The following SPDYE14 variants were observed in gnomAD, a reference collection of about 807,000 sequenced individuals.
SPDYE14 encodes the protein speedy protein E14.
chr7:75,258,107 A>G, the SPDYE14 span, among the ~76,000 whole-genome samples: 4 of 52,428 alleles, frequency 7.6e-5, 2 homozygotes, highest in African/African-American at 9.5e-5. Flanking sequence ...GATTACAGGT[A>G]TGAGCCATTA....
the SPDYE14 span, among the ~76,000 whole-genome samples, chr7:75,276,459 C>G: frequency 1.2e-4 from 6 of 49,936 alleles, 3 homozygotes; most frequent in Non-Finnish European, 3.0e-4. Flanking sequence ...ATGCCCTGTA[C>G]TCTCAGCTAC....
the SPDYE14 span, among the ~76,000 whole-genome samples, chr7:75,271,213 T>TAA: frequency 0.029 from 235 of 7,980 alleles, 11 homozygotes; most frequent in African/African-American, 0.055. Context: ...ACTCCACCTC[T>TAA]AAAAAAAAAA....
chr7:75,276,070 G>A, the SPDYE14 span, among the ~76,000 whole-genome samples: 5 of 6,220 alleles, frequency 8.0e-4, no homozygotes, highest in African/African-American at 1.6e-3. Flanking sequence ...AGACCAGCCT[G>A]GCCAACATGG....
the SPDYE14 span, chr7:75,237,655 GCGGCGCGCGGCGCC>G: frequency 2.4e-5 from 2 of 84,126 alleles, no homozygotes; most frequent in African/African-American, 6.6e-5. Context: ...CGGCGGAGCA[GCGGCGCGCGGCGCC>G]CGGCGCGGGG....
At chr7:75,268,845 CAGAGAGAGAGAGAGAGAG>C in the SPDYE14 span, among the ~76,000 whole-genome samples, 2 of 9,596 alleles carry the variant, frequency 2.1e-4, no homozygotes, top group Non-Finnish European at 4.8e-4. Flanking sequence ...GCACTCCAGC[CAGAGAGAGAGAGAGAGAG>C]AGAGAGAGAG....
chr7:75,245,313 A>C, the SPDYE14 span, among the ~76,000 whole-genome samples: 1 of 68,012 alleles, frequency 1.5e-5, no homozygotes, highest in Non-Finnish European at 2.8e-5. Flanking sequence ...CCCAGCTACT[A>C]GGGAGGCTGA....
the SPDYE14 span, among the ~76,000 whole-genome samples, chr7:75,265,037 T>TC: frequency 3.1e-5 from 2 of 64,290 alleles, no homozygotes; most frequent in Non-Finnish European, 3.4e-5. Context: ...TTTTTTTTTT[T>TC]AATTGTCTTC....
chr7:75,257,167 C>CA, the SPDYE14 span, among the ~76,000 whole-genome samples: 244 of 21,210 alleles, frequency 0.012, 5 homozygotes, highest in African/African-American at 0.026. Flanking sequence ...GATTCTGTCT[C>CA]AAAAAAAAAA....
At chr7:75,257,268 G>A in the SPDYE14 span, among the ~76,000 whole-genome samples, 1 of 111,304 alleles carries the variant, frequency 9.0e-6, no homozygotes, top group East Asian at 2.3e-4. Context: ...AGTATCTGTT[G>A]AATGAATGAA....
chr7:75,276,713 G>A, the SPDYE14 span, among the ~76,000 whole-genome samples: 1 of 132,646 alleles, frequency 7.5e-6, no homozygotes, highest in Admixed American at 8.6e-5. Flanking sequence ...CCTGGGCAAC[G>A]TAGCAAGATC....
chr7:75,247,520 GAA>G, the SPDYE14 span, among the ~76,000 whole-genome samples: 7 of 114,674 alleles, frequency 6.1e-5, no homozygotes, highest in South Asian at 2.7e-4. Flanking sequence ...AAGAAAGAAA[GAA>G]AGAAGAAAGA....
At chr7:75,275,733 AT>A in the SPDYE14 span, among the ~76,000 whole-genome samples, 1 of 20,602 alleles carries the variant, frequency 4.9e-5, no homozygotes, top group African/African-American at 1.0e-4. Flanking sequence ...CAATAAAAAA[AT>A]AAATTAAAAA....
chr7:75,273,126 G>A, the SPDYE14 span, among the ~76,000 whole-genome samples: 2 of 59,950 alleles, frequency 3.3e-5, 1 homozygote, highest in South Asian at 1.1e-3. Context: ...CATGTGAGAT[G>A]TGCGTGCTTC....
chr7:75,275,249 CG>C, the SPDYE14 span, among the ~76,000 whole-genome samples: 1 of 49,232 alleles, frequency 2.0e-5, no homozygotes, highest in Non-Finnish European at 5.3e-5. Flanking sequence ...TCATTGAGAA[CG>C]GGCCAGGATG....
At chr7:75,261,453 CTT>C in the SPDYE14 span, among the ~76,000 whole-genome samples, 97 of 39,896 alleles carry the variant, frequency 2.4e-3, no homozygotes, top group African/African-American at 8.8e-3. Flanking sequence ...TCAAGAACAC[CTT>C]TTTTTTTTTT....
At chr7:75,244,183 C>T in the SPDYE14 span, among the ~76,000 whole-genome samples, 4 of 44,194 alleles carry the variant, frequency 9.1e-5, 1 homozygote, top group African/African-American at 2.4e-4. Context: ...CTGCAAGCTC[C>T]GCCTCCCAGG....
At chr7:75,237,865 T>G in the SPDYE14 span, among the ~76,000 whole-genome samples, 667 of 99,058 alleles carry the variant, frequency 6.7e-3, 4 homozygotes, top group Middle Eastern at 0.032. Flanking sequence ...GGCAGCCCGG[T>G]GCACGGGAAA....
chr7:75,241,695 ATTT>A, the SPDYE14 span, among the ~76,000 whole-genome samples: 5 of 15,488 alleles, frequency 3.2e-4, no homozygotes, highest in Non-Finnish European at 4.3e-4. Flanking sequence ...ATATATATAT[ATTT>A]TTTTTTTTTT....
the SPDYE14 span, among the ~76,000 whole-genome samples, chr7:75,249,636 TCCTCCCTC>T: frequency 2.9e-5 from 1 of 34,988 alleles, no homozygotes; most frequent in Non-Finnish European, 5.9e-5. Flanking sequence ...CTTCCTTCCT[TCCTCCCTC>T]CCTCCCTCCC....
Sources: gnomAD v4.1 joint callset for allele counts (sites outside exome capture counted in the v4.1 genomes callset) on GRCh38, gnomAD v4.1.1 for gene constraint, MANE v1.5 for transcripts, NCBI Gene and HGNC (gene_info 2026-07-23, HGNC 2026-07-21) for gene names.